Variants in SORBS2 observed in about 807,000 individuals in gnomAD.
SORBS2 encodes sorbin and SH3 domain containing 2, also known as sorbin and SH3 domain-containing protein 2.
SORBS2 carries 46 observed loss-of-function variants against 97.7 expected under a neutral mutation model. The ratio of observed to expected loss-of-function variants is 0.47; its 90% CI spans 0.37 to 0.60. SORBS2 has a LOEUF of 0.60. Among genes scored for constraint, SORBS2 ranks in the 20% least tolerant of loss-of-function variants. SORBS2 has a pLI of 0.00. For missense variants in SORBS2, 1,316 were observed against 1,282.3 expected (o/e 1.03, Z -0.40); for synonymous variants, 476 against 473.4 (o/e 1.01, Z -0.07).
At chr4:185,667,147 C>T (rs1264992938) in intron 4 of SORBS2, among the ~76,000 whole-genome samples, 1 of 152,108 alleles carries the variant, frequency 6.6e-6, no homozygotes, top group African/African-American at 2.4e-5. Flanking sequence ...TTTTTTCTAC[C>T]TTTCAGAACA....
At chr4:185,836,544 A>G (rs2099208183) in intron 1 of SORBS2, among the ~76,000 whole-genome samples, 1 of 152,234 alleles carries the variant, frequency 6.6e-6, no homozygotes, top group Admixed American at 6.5e-5. Context: ...GCTTTAGGGA[A>G]ATCGCTCATT....
Position 185,663,227 on chromosome 4 carries a change from A to G in SORBS2, c.-45-985T>C, listed in dbSNP as rs140101191. ...AAATACACACAACACACATAGGCAC[A>G]CAGATAAAGAAGCATAATTTGTGAA... On this transcript the variant is annotated intron_variant, in intron 4 of 20. Coordinates refer to the SORBS2 transcript ENST00000284776. Among the ~76,000 whole-genome samples, 801 of 152,350 alleles carry G rather than the reference A, an allele frequency of 5.3e-3. 13 individuals are homozygous for G. Among genetic ancestry groups the G allele is most frequent in the African/African-American group, 0.019 (776 of 41,586 alleles).
chr4:185,628,595 TA>T (rs562536472), intron 5 of SORBS2, among the ~76,000 whole-genome samples: 1 of 151,864 alleles, frequency 6.6e-6, no homozygotes, highest in Non-Finnish European at 1.5e-5. Flanking sequence ...CTACAGAAAA[TA>T]AAAAAGTTAG....
chr4:185,632,845 T>C (rs2096930398), intron 4 of SORBS2, among the ~76,000 whole-genome samples: 1 of 152,188 alleles, frequency 6.6e-6, no homozygotes, highest in Non-Finnish European at 1.5e-5. Context: ...TCAAAATAAA[T>C]GAAAACCAGT....
intron 1 of SORBS2, chr4:185,919,478 C>A (rs538931825): frequency 3.8e-4 from 58 of 152,228 alleles, no homozygotes; most frequent in African/African-American, 1.4e-3. Context: ...GTTTCATGAT[C>A]TCTGTAATGA....
intron 1 of SORBS2, among the ~76,000 whole-genome samples, chr4:185,836,828 C>T (rs1235445753): frequency 2.6e-5 from 4 of 152,112 alleles, no homozygotes; most frequent in Non-Finnish European, 4.4e-5. Flanking sequence ...AGAAATTATG[C>T]GAGAACTTGG....
upstream of SORBS2, among the ~76,000 whole-genome samples, chr4:185,659,108 C>T (rs557272926): frequency 2.0e-5 from 3 of 152,242 alleles, no homozygotes; most frequent in East Asian, 5.8e-4. Context: ...ACTGCTATTA[C>T]TATGATTATG....
At chr4:185,846,771 T>C (rs1369664644) in intron 1 of SORBS2, among the ~76,000 whole-genome samples, 5 of 152,144 alleles carry the variant, frequency 3.3e-5, no homozygotes, top group Admixed American at 2.6e-4. Flanking sequence ...GTTATTTCTT[T>C]CCCCCTAGGC....
chr4:185,927,951 T>C (rs1008529647), intron 1 of SORBS2, among the ~76,000 whole-genome samples: 11 of 152,240 alleles, frequency 7.2e-5, no homozygotes, highest in Admixed American at 5.9e-4. Context: ...TAAATTGTTT[T>C]ATTTTCTTAA....
chr4:185,663,630 C>T (rs965094921), intron 4 of SORBS2, among the ~76,000 whole-genome samples: 1 of 152,138 alleles, frequency 6.6e-6, no homozygotes, highest in Non-Finnish European at 1.5e-5. Flanking sequence ...ACACTTTCAC[C>T]TCCTTGCCCA....
Position 185,676,944 on chromosome 4 carries a change from G to C in SORBS2, c.-46+1479C>G, listed in dbSNP as rs941316227. On this transcript the variant is annotated intron_variant, in intron 4 of 20. Transcript: ENST00000284776. Reference sequence around the variant, plus strand: ...AAGAAGCCCAAACCAAAGGAGTTAGGGTCTCTACGATACGCATGTATTAAT... The same window carrying C: ...AAGAAGCCCAAACCAAAGGAGTTAGCGTCTCTACGATACGCATGTATTAAT... The C allele has an allele frequency of 3.7e-5, 53 of 1,438,374 alleles. No homozygotes were observed. In the Middle Eastern group the frequency reaches 1.5e-3, roughly 40 times the overall value. The allele number at this position is 1,438,374 out of a possible 1,614,324, so 89.1% of individuals were successfully genotyped here.
intron 9 of SORBS2, 98 bp downstream of exon 21, chr4:185,618,487 C>T (rs1472558655): frequency 8.7e-6 from 5 of 576,736 alleles, no homozygotes; most frequent in Admixed American, 2.9e-5. Flanking sequence ...GGAATTAGAC[C>T]TCATTTGTAA....
chr4:185,767,763 C>T (rs930341354), intron 2 of SORBS2, among the ~76,000 whole-genome samples: 1 of 152,138 alleles, frequency 6.6e-6, no homozygotes, highest in Non-Finnish European at 1.5e-5. Flanking sequence ...TCAGTTACAT[C>T]TGTGTAACAG....
chr4:185,898,686 A>T (rs768246424), intron 1 of SORBS2, among the ~76,000 whole-genome samples: 7 of 152,176 alleles, frequency 4.6e-5, no homozygotes, highest in Admixed American at 2.0e-4. Context: ...AAAATTGAAG[A>T]AGTAATAGAA....
chr4:185,609,202 C>T (rs2096490805), intron 12 of SORBS2, among the ~76,000 whole-genome samples: 1 of 152,126 alleles, frequency 6.6e-6, no homozygotes, highest in Non-Finnish European at 1.5e-5. Context: ...ACTCAAGTCT[C>T]ATTCAGCAGT....
chr4:185,786,247 T>C (rs994324689), intron 1 of SORBS2, among the ~76,000 whole-genome samples: 6 of 152,324 alleles, frequency 3.9e-5, no homozygotes, highest in Admixed American at 3.3e-4. Flanking sequence ...CTTTGTCCTA[T>C]GATTGACATA....
chr4:185,589,614 G>C (rs151013228), intron 14 of SORBS2, 65 bp downstream of exon 26: 5 of 897,656 alleles, frequency 5.6e-6, no homozygotes, highest in Non-Finnish European at 9.4e-6. Flanking sequence ...AGCAAACCAC[G>C]GGAGTGAGCA....
chr4:185,925,354 G>T (rs116597013), intron 1 of SORBS2, among the ~76,000 whole-genome samples: 2 of 152,100 alleles, frequency 1.3e-5, no homozygotes, highest in Non-Finnish European at 2.9e-5. Flanking sequence ...AGGATGTGGT[G>T]GGTGGTCAGA....
chr4:185,853,664 T>C (rs781150328), intron 1 of SORBS2, among the ~76,000 whole-genome samples: 18 of 152,182 alleles, frequency 1.2e-4, no homozygotes, highest in Non-Finnish European at 2.2e-4. Flanking sequence ...TCTCAAACAT[T>C]CTCCCAGATA....
Sources: allele counts gnomAD v4.1 joint callset (sites outside exome capture counted in the v4.1 genomes callset), GRCh38; gene constraint gnomAD v4.1.1; transcripts MANE v1.5; gene names NCBI Gene and HGNC (gene_info 2026-07-23, HGNC 2026-07-21).